The following ARHGEF6 variants were observed in gnomAD, a reference collection of about 807,000 sequenced individuals.
ARHGEF6 encodes Rac/Cdc42 guanine nucleotide exchange factor 6, also known as rho guanine nucleotide exchange factor 6.
Under a neutral mutation model 70.3 loss-of-function variants are expected in ARHGEF6, and 9 were observed. That is an observed-to-expected ratio of 0.13 (90% CI 0.08 to 0.22). The LOEUF (loss-of-function observed/expected upper bound fraction) is 0.22, where lower values mean the gene tolerates loss of function less well. ARHGEF6 is among the 10% of genes least tolerant of loss of function. The probability of loss-of-function intolerance (pLI) is 1.00; values close to 1 mark genes in which losing one functional copy is unlikely to be tolerated. For synonymous variants in ARHGEF6, 201 were observed against 207.8 expected, an observed-to-expected ratio of 0.97 and a Z score of 0.28; for missense variants, 470 against 563.0, an observed-to-expected ratio of 0.83 and a Z score of 1.67.
chrX:136,705,759 G>A (rs1336098141), intron 9 of ARHGEF6, among the ~76,000 whole-genome samples: 1 of 112,125 alleles, frequency 8.9e-6, no homozygotes, highest in Non-Finnish European at 1.9e-5. Flanking sequence ...ATTTATCAGA[G>A]GAATAAAATT....
intron 9 of ARHGEF6, among the ~76,000 whole-genome samples, chrX:136,699,993 TC>T (rs1434327097): frequency 9.0e-6 from 1 of 111,079 alleles, no homozygotes; most frequent in African/African-American, 3.3e-5. Context: ...GCTTCAGCCC[TC>T]TCTCATCTTC....
intron 2 of ARHGEF6, among the ~76,000 whole-genome samples, chrX:136,765,623 G>A (rs1383539631): frequency 8.9e-6 from 1 of 112,701 alleles, no homozygotes; most frequent in Non-Finnish European, 1.9e-5. Context: ...TAGCTTGGAA[G>A]ACATACCATC....
chrX:136,688,616 C>T (rs1254447604), intron 10 of ARHGEF6, among the ~76,000 whole-genome samples: 1 of 110,387 alleles, frequency 9.1e-6, no homozygotes, highest in Non-Finnish European at 1.9e-5. Context: ...TGTGATTGTG[C>T]CACTATACTC....
rs1039493097 is a variant in ARHGEF6, at chrX:136,681,915, C to T, written c.1533G>A (p.Gly511=). 8.3e-7 allele frequency: 1 copy of T among 1,208,712 alleles called. No individual in the cohort carries two copies. The highest frequency in any genetic ancestry group is 2.2e-5 in the Admixed American group (1 of 46,000). The change falls in exon 14 of 22, where the codon GGG becomes GGA. Residue 511 remains glycine, a synonymous_variant. Transcript: ENST00000250617. ...CAGTGATTTCAAATGTGCAGTCATT[C>T]CCTTCAATTTCATCTAATCTAGTCA... ...TVVTRLDEIE[G]NDCTFEITGN... is the part of the protein sequence containing the mutation.
Position 136,679,628 on chromosome X carries a change from G to C in ARHGEF6, c.1737C>G (p.Pro579=). 1 of 1,211,521 alleles carries C rather than the reference G, an allele frequency of 8.3e-7. No individual in the cohort carries two copies. The highest frequency in any genetic ancestry group is 1.1e-6 in the Non-Finnish European group (1 of 895,218). ...GTTTTATAATTTGAGGAGGCTCCAA[G>C]GGTCCTCGGGGCTGTCCGGTAGAGC... ...SFSSTGQPRG[P]LEPPQIIKPW... is the part of the protein sequence containing the mutation. The change falls in exon 16 of 22, where the codon CCC becomes CCG. Residue 579 remains proline, a synonymous_variant. Coordinates refer to ENST00000250617, the MANE Select transcript of ARHGEF6 (RefSeq NM_004840.3).
At chrX:136,682,098 AAT>A in intron 13 of ARHGEF6, 130 bp from the exon 14 acceptor site, 1 of 517,130 alleles carries the variant, frequency 1.9e-6, no homozygotes, top group Non-Finnish European at 3.4e-6. Flanking sequence ...GTCAATAGAT[AAT>A]ATGTTTCCCT....
chrX:136,679,100 G>T (rs1259753695), intron 16 of ARHGEF6, among the ~76,000 whole-genome samples: 4 of 111,774 alleles, frequency 3.6e-5, no homozygotes, highest in Non-Finnish European at 7.5e-5. Flanking sequence ...TTATAGTTTG[G>T]ACTCATAGCT....
At chrX:136,735,353 C>A (rs1275873610) in intron 5 of ARHGEF6, among the ~76,000 whole-genome samples, 1 of 110,805 alleles carries the variant, frequency 9.0e-6, no homozygotes, top group Non-Finnish European at 1.9e-5. Context: ...CTCCCCACCC[C>A]GACCCCTACC....
chrX:136,741,422 T>A (rs2077040410), intron 5 of ARHGEF6, among the ~76,000 whole-genome samples: 2 of 111,936 alleles, frequency 1.8e-5, no homozygotes, highest in African/African-American at 3.2e-5. Context: ...AAGAACACAG[T>A]ATACAATACA....
chrX:136,689,681 A>G (rs1273909610), intron 10 of ARHGEF6, among the ~76,000 whole-genome samples: 1 of 111,694 alleles, frequency 9.0e-6, no homozygotes, highest in East Asian at 2.8e-4. Flanking sequence ...AATCCTTACA[A>G]ATGCTGACAA....
At chrX:136,700,039 A>G (rs1006474814) in intron 9 of ARHGEF6, among the ~76,000 whole-genome samples, 4 of 110,902 alleles carry the variant, frequency 3.6e-5, no homozygotes, top group African/African-American at 1.3e-4. Context: ...AAGGCTAAGA[A>G]TTGCTTCTGG....
At chrX:136,779,526 G>A (rs1273024487) in intron 1 of ARHGEF6, 29 bp from the exon 2 acceptor site, 1 of 1,162,166 alleles carries the variant, frequency 8.6e-7, no homozygotes, top group African/African-American at 1.8e-5. Flanking sequence ...ATGTCACTTG[G>A]AGATTGTCAT....
chrX:136,702,709 T>A (rs999488885), intron 9 of ARHGEF6, among the ~76,000 whole-genome samples: 5 of 111,945 alleles, frequency 4.5e-5, no homozygotes, highest in African/African-American at 1.6e-4. Flanking sequence ...TGAATGCACC[T>A]AACAACAGAG....
rs745544159 is a variant in ARHGEF6, at chrX:136,680,719, T to C, written c.1704+12A>G. 9 of 1,210,832 alleles carry C rather than the reference T, an allele frequency of 7.4e-6. No homozygotes were observed. Among genetic ancestry groups the C allele is most frequent in the Non-Finnish European group, 1.0e-5 (9 of 894,535 alleles). ...CTCAATAATCTCTGGACAGAACACATGGACTACTTACAGAATGAGCACTAC... is the reference window on the plus strand; with the variant it reads ...CTCAATAATCTCTGGACAGAACACACGGACTACTTACAGAATGAGCACTAC... On this transcript the variant is annotated intron_variant, in intron 15 of 21. Coordinates refer to ENST00000250617, the MANE Select transcript of ARHGEF6 (RefSeq NM_004840.3).
At chrX:136,737,687 TAA>T (rs745975738) in intron 5 of ARHGEF6, among the ~76,000 whole-genome samples, 5 of 92,004 alleles carry the variant, frequency 5.4e-5, no homozygotes, top group Admixed American at 1.2e-4. Flanking sequence ...GATCCCGTGT[TAA>T]AAAAAAAAAA....
chrX:136,778,592 C>T (rs1267442363), intron 2 of ARHGEF6, among the ~76,000 whole-genome samples: 12 of 109,746 alleles, frequency 1.1e-4, no homozygotes, highest in South Asian at 3.9e-4. Context: ...TGGGTTCAAG[C>T]GATCCTCCCA....
rs1194288828 is a variant in ARHGEF6, at chrX:136,665,842, C to T, written c.*2187G>A. 8.9e-6 allele frequency: 1 copy of T among 112,282 alleles called. No homozygotes were observed. The highest frequency in any genetic ancestry group is 3.2e-5 in the African/African-American group (1 of 30,790). The allele number at this position is 112,282 out of a possible 1,213,427, so 9.3% of individuals were successfully genotyped here. On this transcript the variant is annotated 3_prime_UTR_variant, in exon 22 of 22. Coordinates refer to ENST00000250617, the MANE Select transcript of ARHGEF6 (RefSeq NM_004840.3). ...ACCACTCTGCACAAGCTTCGTTATC[C>T]AGAGTACCGAGGGCCCCTCATCAGA...
At chrX:136,705,898 C>T (rs777526090) in intron 9 of ARHGEF6, among the ~76,000 whole-genome samples, 1 of 112,295 alleles carries the variant, frequency 8.9e-6, no homozygotes, top group Non-Finnish European at 1.9e-5. Flanking sequence ...TCTGGAGGCT[C>T]GTGTCAACTA....
intron 2 of ARHGEF6, among the ~76,000 whole-genome samples, chrX:136,778,973 T>C (rs983196603): frequency 2.7e-5 from 3 of 111,971 alleles, no homozygotes; most frequent in African/African-American, 9.7e-5. Context: ...ACTATACAAT[T>C]TCTACCTCAA....
Sources: gnomAD v4.1 joint callset for allele counts (sites outside exome capture counted in the v4.1 genomes callset) on GRCh38, gnomAD v4.1.1 for gene constraint, MANE v1.5 for transcripts, NCBI Gene and HGNC (gene_info 2026-07-23, HGNC 2026-07-21) for gene names.